Variants in UBE2G1 observed in about 807,000 individuals in gnomAD.
UBE2G1 encodes ubiquitin conjugating enzyme E2 G1, also known as ubiquitin-conjugating enzyme E2 G1.
In UBE2G1, 5 loss-of-function variants were observed where a neutral mutation model predicts 22.7. The ratio of observed to expected loss-of-function variants is 0.22; its 90% confidence interval spans 0.12 to 0.46. UBE2G1 has a LOEUF of 0.46. UBE2G1 is among the 20% of genes least tolerant of loss of function. The pLI, the probability that UBE2G1 is intolerant of heterozygous loss-of-function variation, is 0.99. For synonymous variants in UBE2G1, 74 were observed against 67.5 expected, an observed-to-expected ratio of 1.10 and a Z score of -0.47; for missense variants, 88 against 203.9, an observed-to-expected ratio of 0.43 and a Z score of 3.46.
At chr17:4,355,854 C>G (rs1291307887) in intron 1 of UBE2G1, among the ~76,000 whole-genome samples, 1 of 147,076 alleles carries the variant, frequency 6.8e-6, no homozygotes, top group Non-Finnish European at 1.5e-5. Context: ...GTGTGCACCA[C>G]CACACCCAGC....
At chr17:4,361,495 C>T (rs1191323499) in intron 1 of UBE2G1, among the ~76,000 whole-genome samples, 1 of 152,082 alleles carries the variant, frequency 6.6e-6, no homozygotes, top group Non-Finnish European at 1.5e-5. Context: ...CCACTGCACT[C>T]CAGCCTGGGT....
chr17:4,284,107 A>G (rs1362149553), intron 4 of UBE2G1, among the ~76,000 whole-genome samples: 3 of 149,970 alleles, frequency 2.0e-5, no homozygotes, highest in East Asian at 2.0e-4. Context: ...CAGTGAGGCA[A>G]TATCGTGACA....
chr17:4,308,116 G>T lies in UBE2G1; in HGVS notation c.47-993C>A, dbSNP rs537298819. Among the ~76,000 whole-genome samples, 16 of 152,284 alleles carry T rather than the reference G, an allele frequency of 1.1e-4. No individual in the cohort carries two copies. The East Asian group carries it at 2.9e-3, about 28-fold the overall frequency. ...CACCTGTAATCCCAGCACTTTGGGA[G>T]GCCGAGGCAGGTGGACCACCTGAGG... is the stretch of plus-strand genomic sequence containing the variant. On this transcript the variant is annotated intron_variant, in intron 1 of 5. Transcript: ENST00000396981.
chr17:4,279,126 T>G (rs1398895873), intron 5 of UBE2G1, among the ~76,000 whole-genome samples: 1 of 151,692 alleles, frequency 6.6e-6, no homozygotes, highest in African/African-American at 2.4e-5. Flanking sequence ...AAATACAAAA[T>G]AAGCCAGGAG....
In UBE2G1 at chr17:4,269,444, CAAAAAAGGT is replaced by C. The variant is rs1159354674; in HGVS notation, c.*3101_*3109del. ...TCAAAGATGCTGAGAAGTGGCAGTA[CAAAAAAGGT>C]AATTCCACCAACTGGAGACCAGACG... On this transcript the variant is annotated 3_prime_UTR_variant, in exon 6 of 6. Transcript: ENST00000396981. 1 of 169,664 alleles carries C rather than the reference CAAAAAAGGT, an allele frequency of 5.9e-6. No homozygotes were observed. Among genetic ancestry groups the C allele is most frequent in the Non-Finnish European group, 1.3e-5 (1 of 79,744 alleles). 10.5% of individuals were successfully genotyped at this position (169,664 alleles called of 1,614,324 possible). A position where few individuals can be genotyped will look rare whatever the true frequency, so the allele number is the denominator to read the frequency against.
chr17:4,296,891 A>G, intron 2 of UBE2G1, 77 bp from the exon 3 acceptor site: 1 of 1,282,160 alleles, frequency 7.8e-7, no homozygotes, highest in Non-Finnish European at 1.1e-6. Context: ...ACAAATATAA[A>G]ACAAGGGTGC....
At chr17:4,333,239 C>T (rs1438398228) in intron 1 of UBE2G1, among the ~76,000 whole-genome samples, 2 of 152,152 alleles carry the variant, frequency 1.3e-5, no homozygotes, top group Admixed American at 6.5e-5. Context: ...TGCTGGCATA[C>T]TCTAAATGTG....
At chr17:4,273,317 C>G (rs1015453166) in intron 5 of UBE2G1, among the ~76,000 whole-genome samples, 4 of 152,140 alleles carry the variant, frequency 2.6e-5, no homozygotes, top group Non-Finnish European at 4.4e-5. Flanking sequence ...GTTTCCTGTT[C>G]AAAAAGTTAG....
intron 2 of UBE2G1, among the ~76,000 whole-genome samples, chr17:4,298,751 G>A (rs1314448200): frequency 6.6e-6 from 1 of 152,192 alleles, no homozygotes; most frequent in Non-Finnish European, 1.5e-5. Flanking sequence ...AAATTTAACA[G>A]TTGAAGATAG....
intron 5 of UBE2G1, among the ~76,000 whole-genome samples, chr17:4,280,629 C>A (rs911016870): frequency 6.6e-6 from 1 of 150,770 alleles, no homozygotes; most frequent in Non-Finnish European, 1.5e-5. Flanking sequence ...AGCCACCATG[C>A]CCGGCTGGGA....
In UBE2G1 at chr17:4,324,275, A is replaced by T. The variant is rs374389920; in HGVS notation, c.47-17152T>A. 2.0e-4 allele frequency among the ~76,000 whole-genome samples: 30 copies of T among 152,330 alleles called. No individual in the cohort carries two copies. The East Asian group carries it at 3.1e-3, about 16-fold the overall frequency. On this transcript the variant is annotated intron_variant, in intron 1 of 5. Transcript: ENST00000396981. Reference sequence around the variant, plus strand: ...TTCTAATATAATAGCCACTAGTCGCATGTGGCTACTGAGCACCTAAGAAGT... The same window carrying T: ...TTCTAATATAATAGCCACTAGTCGCTTGTGGCTACTGAGCACCTAAGAAGT...
chr17:4,326,473 G>A (rs1381155530), intron 1 of UBE2G1, among the ~76,000 whole-genome samples: 1 of 152,162 alleles, frequency 6.6e-6, no homozygotes, highest in Non-Finnish European at 1.5e-5. Context: ...AGAACCCCAT[G>A]CATTGCTAAT....
chr17:4,319,734 AAG>A (rs1018156499), intron 1 of UBE2G1, among the ~76,000 whole-genome samples: 6 of 152,074 alleles, frequency 3.9e-5, no homozygotes, highest in East Asian at 3.8e-4. Context: ...AAAAAAAAAA[AAG>A]AGAGAGAGAG....
rs1969257082 is a variant in UBE2G1, at chr17:4,307,107, T to C, written c.63A>G (p.Pro21=). ...TTAAACCTGCAGAAAAGCCTTCCAC[T>C]GGATTTTTGTTGAGTTCTGTGGAAA... The part of the protein sequence containing the change: ...RRQLAELNKN[P]VEGFSAGLID... The change falls in exon 2 of 6, where the codon CCA becomes CCG. Residue 21 remains proline (P), a synonymous_variant. Transcript: ENST00000396981. 3 of 1,613,950 alleles carry C rather than the reference T, an allele frequency of 1.9e-6. No individual in the cohort carries two copies. The highest frequency in any genetic ancestry group is 2.5e-6 in the Non-Finnish European group (3 of 1,179,890).
At chr17:4,313,361 T>C (rs1298551674) in intron 1 of UBE2G1, among the ~76,000 whole-genome samples, 1 of 152,166 alleles carries the variant, frequency 6.6e-6, no homozygotes, top group Non-Finnish European at 1.5e-5. Context: ...CAAACAGAGC[T>C]TCTGTAAATC....
intron 1 of UBE2G1, among the ~76,000 whole-genome samples, chr17:4,329,224 C>G (rs557138146): frequency 1.3e-5 from 2 of 150,890 alleles, no homozygotes; most frequent in East Asian, 3.9e-4. Flanking sequence ...CATGGTGAAA[C>G]CCCGTCTCTA....
intron 1 of UBE2G1, among the ~76,000 whole-genome samples, chr17:4,308,907 A>C (rs1029407861): frequency 1.3e-5 from 2 of 152,230 alleles, no homozygotes; most frequent in African/African-American, 4.8e-5. Flanking sequence ...AGATGGTATT[A>C]TTTCAACAAC....
intron 1 of UBE2G1, chr17:4,335,078 G>T (rs1969629255): frequency 6.6e-6 from 1 of 152,074 alleles, no homozygotes; most frequent in African/African-American, 2.4e-5. Flanking sequence ...GAAAAGTAAT[G>T]AAATGGAAGA....
chr17:4,295,656 A>G (rs1016006807), intron 3 of UBE2G1, among the ~76,000 whole-genome samples: 2 of 152,172 alleles, frequency 1.3e-5, no homozygotes, highest in African/African-American at 4.8e-5. Context: ...ATTAGAAAAG[A>G]AATCTCTGCA....
Sources: allele counts gnomAD v4.1 joint callset (sites outside exome capture counted in the v4.1 genomes callset), GRCh38; gene constraint gnomAD v4.1.1; transcripts MANE v1.5; gene names NCBI Gene and HGNC (gene_info 2026-07-23, HGNC 2026-07-21).